The following KSR1 variants were observed in gnomAD, a reference collection of about 807,000 sequenced individuals.
KSR1 encodes kinase suppressor of ras.
KSR1 carries 35 observed loss-of-function variants against 92.9 expected under a neutral mutation model. The ratio of observed to expected loss-of-function variants is 0.38; its 90% CI spans 0.29 to 0.50. KSR1 has a LOEUF of 0.50. Among genes scored for constraint, KSR1 ranks in the 20% least tolerant of loss-of-function variants. The pLI is 0.94. For synonymous variants in KSR1, 467 were observed against 472.6 expected, an observed-to-expected ratio of 0.99 and a Z score of 0.15; for missense variants, 972 against 1,158.5, an observed-to-expected ratio of 0.84 and a Z score of 2.34.
In KSR1 at chr17:27,597,330, C is replaced by T. The variant is rs373193839; in HGVS notation, c.1362C>T (p.Ser454=). The T allele has an allele frequency of 6.2e-7, 1 of 1,611,642 alleles. No individual in the cohort carries two copies. The highest frequency in any genetic ancestry group is 8.5e-7 in the Non-Finnish European group (1 of 1,178,980). Residue 454 remains serine, a synonymous_variant, in exon 10 of 21, where the codon TCC becomes TCT. Transcript: ENST00000644974. The stretch of plus-strand genomic sequence containing the variant: ...GCAACCCTTCCTCCACCACCTCCTC[C>T]ACACCCTCCTCACCGGCGCCCTTCC... ...SSSNPSSTTS[S]TPSSPAPFPT... is the part of the protein sequence containing the mutation.
At chr17:27,493,663 C>G (rs1349627977) in intron 1 of KSR1, among the ~76,000 whole-genome samples, 1 of 152,082 alleles carries the variant, frequency 6.6e-6, no homozygotes, top group African/African-American at 2.4e-5. Flanking sequence ...ATAACCTTTC[C>G]TTCTGTGTTG....
chr17:27,520,462 C>T (rs1380677721), intron 1 of KSR1, among the ~76,000 whole-genome samples: 1 of 152,210 alleles, frequency 6.6e-6, no homozygotes, highest in Non-Finnish European at 1.5e-5. Context: ...AAAGCTTAAT[C>T]TTTAGAAAGG....
At chr17:27,484,008 T>C (rs2068591357) in intron 1 of KSR1, among the ~76,000 whole-genome samples, 1 of 152,106 alleles carries the variant, frequency 6.6e-6, no homozygotes, top group African/African-American at 2.4e-5. Flanking sequence ...TGTGTTGCAG[T>C]GGTGGAGGGT....
intron 17 of KSR1, among the ~76,000 whole-genome samples, chr17:27,610,575 G>A (rs879258636): frequency 6.6e-6 from 1 of 152,132 alleles, no homozygotes; most frequent in Non-Finnish European, 1.5e-5. Flanking sequence ...ATATCCTGCC[G>A]GCTCTGCTAC....
intron 4 of KSR1, chr17:27,583,988 A>AC (rs1465151484): frequency 2.0e-6 from 2 of 983,998 alleles, no homozygotes; most frequent in African/African-American, 3.5e-5. Context: ...CATTTGTTTG[A>AC]CTTGTTCATA....
intron 10 of KSR1, among the ~76,000 whole-genome samples, chr17:27,598,925 C>A (rs1168497304): frequency 6.6e-6 from 1 of 152,208 alleles, no homozygotes; most frequent in African/African-American, 2.4e-5. Context: ...CTCCTATCGT[C>A]CCCTGCTCTG....
chr17:27,614,905 G>A (rs541313333), intron 18 of KSR1, among the ~76,000 whole-genome samples: 5 of 152,234 alleles, frequency 3.3e-5, no homozygotes, highest in South Asian at 4.1e-4. Flanking sequence ...ATTGGTCAAC[G>A]CAATAAAATT....
chr17:27,543,353 A>G (rs2071036271), intron 1 of KSR1, among the ~76,000 whole-genome samples: 1 of 152,138 alleles, frequency 6.6e-6, no homozygotes, highest in Non-Finnish European at 1.5e-5. Context: ...GACCCATGCT[A>G]TGGGGCACCA....
intron 1 of KSR1, among the ~76,000 whole-genome samples, chr17:27,457,143 C>T (rs899124134): frequency 1.3e-5 from 2 of 152,094 alleles, no homozygotes; most frequent in African/African-American, 4.8e-5. Flanking sequence ...CATCCCCTTT[C>T]CCCCCTTCTC....
At chr17:27,555,804 T>C (rs2071573735) in intron 2 of KSR1, among the ~76,000 whole-genome samples, 1 of 152,272 alleles carries the variant, frequency 6.6e-6, no homozygotes. Flanking sequence ...CTGTCACCAC[T>C]GGAACGTTTT....
chr17:27,566,700 G>A (rs1432954574), intron 2 of KSR1: 1 of 396,854 alleles, frequency 2.5e-6, no homozygotes, highest in East Asian at 3.6e-5. Context: ...CGCATGTTGG[G>A]GCAGAAGGTG....
At chr17:27,494,221 C>T (rs2150966950) in intron 1 of KSR1, among the ~76,000 whole-genome samples, 1 of 152,040 alleles carries the variant, frequency 6.6e-6, no homozygotes, top group East Asian at 1.9e-4. Flanking sequence ...CCCTTAAAGA[C>T]TTGAAATTTG....
At chr17:27,539,169 C>T (rs1014161295) in intron 1 of KSR1, among the ~76,000 whole-genome samples, 6 of 152,160 alleles carry the variant, frequency 3.9e-5, no homozygotes, top group Non-Finnish European at 8.8e-5. Flanking sequence ...TTTCAGTTGG[C>T]AATGTCAGGA....
At chr17:27,562,092 C>T (rs1195875500) in intron 2 of KSR1, among the ~76,000 whole-genome samples, 3 of 152,192 alleles carry the variant, frequency 2.0e-5, no homozygotes, top group Non-Finnish European at 2.9e-5. Context: ...GTGATCTGCC[C>T]GCCATGGCCT....
At chr17:27,592,314 G>GC (rs528992514) in intron 7 of KSR1, 47 bp from the exon 8 acceptor site, 71 of 1,515,014 alleles carry the variant, frequency 4.7e-5, no homozygotes, top group African/African-American at 2.3e-4. Context: ...GTGTGCCTGA[G>GC]CCCCCCCATG....
chr17:27,525,485 G>A (rs1195864818), intron 1 of KSR1, among the ~76,000 whole-genome samples: 1 of 152,212 alleles, frequency 6.6e-6, no homozygotes, highest in Admixed American at 6.5e-5. Context: ...AACAGGGCCT[G>A]ACACATGGCT....
At chr17:27,463,349 A>G (rs1043458491) in intron 1 of KSR1, among the ~76,000 whole-genome samples, 1 of 152,024 alleles carries the variant, frequency 6.6e-6, no homozygotes, top group Non-Finnish European at 1.5e-5. Context: ...TCTCTACAAG[A>G]AATAGAAAAT....
chr17:27,501,289 C>CTTTTTT (rs1567768260), intron 1 of KSR1, among the ~76,000 whole-genome samples: 13 of 43,580 alleles, frequency 3.0e-4, no homozygotes, highest in Non-Finnish European at 4.1e-4. Flanking sequence ...AATTTCTTTT[C>CTTTTTT]TTCTTTTTTT....
intron 1 of KSR1, chr17:27,526,912 G>T: frequency 1.6e-6 from 1 of 625,192 alleles, no homozygotes; most frequent in South Asian, 1.9e-5. Context: ...CCTAGGACTT[G>T]GTTACTCAGG....
Sources: allele counts gnomAD v4.1 joint callset (sites outside exome capture counted in the v4.1 genomes callset), GRCh38; gene constraint gnomAD v4.1.1; transcripts MANE v1.5; gene names NCBI Gene and HGNC (gene_info 2026-07-23, HGNC 2026-07-21).